The following DDR2 variants were observed in gnomAD, a reference collection of about 807,000 sequenced individuals.
The protein encoded by DDR2 is discoidin domain-containing receptor 2.
DDR2 carries 27 observed loss-of-function variants against 94.9 expected under a neutral mutation model. The observed-to-expected ratio is 0.28, with a 90% CI of 0.21 to 0.39. DDR2 has a LOEUF of 0.39. Ranked by LOEUF, DDR2 falls within the 10% of genes least tolerant of loss-of-function variation. The pLI, the probability that DDR2 is intolerant of heterozygous loss-of-function variation, is 1.00. For synonymous variants in DDR2, 382 were observed against 377.2 expected (o/e 1.01, Z -0.15); for missense variants, 783 against 1,076.0 (o/e 0.73, Z 3.81).
At chr1:162,709,006 A>G (rs1161028477) in intron 2 of DDR2, among the ~76,000 whole-genome samples, 1 of 152,214 alleles carries the variant, frequency 6.6e-6, no homozygotes, top group Non-Finnish European at 1.5e-5. Context: ...GGTTCTAGAC[A>G]CTTCTTACAT....
In DDR2 at chr1:162,776,329, G is replaced by C. The variant is rs2102199808; in HGVS notation, c.2242G>C (p.Val748Leu). Residue 748 changes from valine (V) to leucine (L), a missense_variant, in exon 16 of 18, where the codon GTG (valine) becomes CTG (leucine). Val to Leu is a conservative substitution (Grantham distance 32). Around this residue, in one of 2 missense-constraint regions of DDR2, gnomAD observed 264 missense variants for 428.2 expected, o/e 0.62. Coordinates refer to ENST00000367921, the MANE Select transcript of DDR2 (RefSeq NM_006182.4). ...CTATTACCGGATCCAGGGCCGGGCA[G>C]TGCTCCCTATCCGCTGGATGTCTTG... ...GDYYRIQGRA[V>L]LPIRWMSWES... is the part of the protein sequence containing the mutation. 1.9e-6 allele frequency: 3 copies of C among 1,614,106 alleles called. No homozygotes were observed. Among genetic ancestry groups the C allele is most frequent in the Non-Finnish European group, 2.5e-6 (3 of 1,179,972 alleles).
At chr1:162,779,056 G>A (rs1178617277) in intron 17 of DDR2, among the ~76,000 whole-genome samples, 2 of 151,994 alleles carry the variant, frequency 1.3e-5, no homozygotes, top group African/African-American at 4.8e-5. Context: ...TTTTTCTTCT[G>A]GGTCAAAAAA....
At chr1:162,654,964 T>A (rs189863030) in intron 1 of DDR2, among the ~76,000 whole-genome samples, 2 of 152,186 alleles carry the variant, frequency 1.3e-5, no homozygotes, top group African/African-American at 2.4e-5. Context: ...TCAACAAAAT[T>A]ACTATTATTT....
At chr1:162,669,293 C>T (rs78327791) in intron 2 of DDR2, among the ~76,000 whole-genome samples, 5 of 152,258 alleles carry the variant, frequency 3.3e-5, no homozygotes, top group Admixed American at 2.0e-4. Flanking sequence ...CGGGGAAAAA[C>T]GTTGTTTGTA....
intron 2 of DDR2, among the ~76,000 whole-genome samples, chr1:162,674,620 C>G (rs187813191): frequency 6.6e-6 from 1 of 152,256 alleles, no homozygotes; most frequent in Admixed American, 6.5e-5. Flanking sequence ...TTTTGCTTTA[C>G]TGTTTCACCA....
chr1:162,675,704 A>G (rs1659092273), intron 2 of DDR2, among the ~76,000 whole-genome samples: 1 of 152,206 alleles, frequency 6.6e-6, no homozygotes, highest in South Asian at 2.1e-4. Flanking sequence ...TAGGATCAGT[A>G]ATGGGAAGTA....
At chr1:162,734,315 A>G (rs1662195216) in intron 3 of DDR2, among the ~76,000 whole-genome samples, 2 of 152,214 alleles carry the variant, frequency 1.3e-5, no homozygotes, top group East Asian at 1.9e-4. Context: ...TAAGCCTTGT[A>G]AAGTGATGAA....
intron 2 of DDR2, among the ~76,000 whole-genome samples, chr1:162,689,031 C>G (rs1413784880): frequency 6.6e-6 from 1 of 152,212 alleles, no homozygotes. Context: ...GGTTCTTTAA[C>G]TCAGGCTGGT....
At chr1:162,642,299 T>A (rs1230483625) in intron 1 of DDR2, among the ~76,000 whole-genome samples, 2 of 150,102 alleles carry the variant, frequency 1.3e-5, no homozygotes, top group Non-Finnish European at 3.0e-5. Context: ...TGAGGTGGAA[T>A]TTCGCTCTTG....
chr1:162,687,063 T>A lies in DDR2; in HGVS notation c.-28+31689T>A, dbSNP rs1441154438. Among the ~76,000 whole-genome samples the A allele has an allele frequency of 2.0e-5, 3 of 152,200 alleles. No homozygotes were observed. In the East Asian group the frequency reaches 5.8e-4, roughly 29 times the overall value. On this transcript the variant is annotated intron_variant, in intron 2 of 17. Transcript: ENST00000367921. ...CCTGACTGGGGAGAAAGTGGGAAGA[T>A]CCAGAGCAAGGAGAAGACAATGAGG...
rs1480631283 is a variant in DDR2 at position 162,786,466 on chromosome 1, A to C, written c.*6220A>C. ...AATATGTAAAATTTCTCTGTATTAG[A>C]AAAAGAAACGTGATACCAATTGTAT... is the stretch of plus-strand genomic sequence containing the variant. On this transcript the variant is annotated 3_prime_UTR_variant, in exon 18 of 18. Coordinates refer to ENST00000367921, the MANE Select transcript of DDR2 (RefSeq NM_006182.4). 6.6e-6 allele frequency: 1 copy of C among 152,272 alleles called. No individual in the cohort carries two copies. The highest frequency in any genetic ancestry group is 1.5e-5 in the Non-Finnish European group (1 of 68,042). 9.4% of individuals were successfully genotyped at this position (152,272 alleles called of 1,614,324 possible).
intron 3 of DDR2, among the ~76,000 whole-genome samples, chr1:162,725,528 G>A (rs1403788362): frequency 3.9e-5 from 6 of 152,122 alleles, no homozygotes; most frequent in South Asian, 4.1e-4. Context: ...ACAGGCATGC[G>A]CCACCACACC....
At chr1:162,746,505 C>T (rs1009055625) in intron 3 of DDR2, among the ~76,000 whole-genome samples, 5 of 152,206 alleles carry the variant, frequency 3.3e-5, no homozygotes, top group Admixed American at 3.3e-4. Flanking sequence ...CACAGCTCAA[C>T]CAGGCCTGCC....
At chr1:162,643,016 C>G (rs144784688) in intron 1 of DDR2, among the ~76,000 whole-genome samples, 1 of 152,086 alleles carries the variant, frequency 6.6e-6, no homozygotes, top group African/African-American at 2.4e-5. Flanking sequence ...CCTTCAAGGG[C>G]GGCTGAAAAG....
chr1:162,707,847 T>C (rs1287764568), intron 2 of DDR2, among the ~76,000 whole-genome samples: 1 of 152,246 alleles, frequency 6.6e-6, no homozygotes, highest in Non-Finnish European at 1.5e-5. Context: ...GTAAGTTCTT[T>C]ATATGCATTA....
At chr1:162,670,755 G>A (rs1196529330) in intron 2 of DDR2, among the ~76,000 whole-genome samples, 2 of 152,184 alleles carry the variant, frequency 1.3e-5, no homozygotes, top group Non-Finnish European at 2.9e-5. Context: ...AACCCCTAGT[G>A]CTTCTGTTGT....
chr1:162,684,534 GA>G (rs1178093807), intron 2 of DDR2, among the ~76,000 whole-genome samples: 1 of 152,112 alleles, frequency 6.6e-6, no homozygotes, highest in Non-Finnish European at 1.5e-5. Context: ...CATTCTTGCA[GA>G]ACTGTTTTTA....
At chr1:162,670,266 A>C (rs914763217) in intron 2 of DDR2, among the ~76,000 whole-genome samples, 1 of 152,090 alleles carries the variant, frequency 6.6e-6, no homozygotes, top group Non-Finnish European at 1.5e-5. Context: ...ATGCGCCACC[A>C]TGCCTGGCTA....
At chr1:162,754,426 C>T (rs1244101220) in intron 4 of DDR2, among the ~76,000 whole-genome samples, 198 bp from the exon 5 acceptor site, 1 of 152,180 alleles carries the variant, frequency 6.6e-6, no homozygotes, top group Non-Finnish European at 1.5e-5. Flanking sequence ...CTTTCAGGGT[C>T]TCATGGTACT....
Sources: gnomAD v4.1 joint callset for allele counts (sites outside exome capture counted in the v4.1 genomes callset) on GRCh38, gnomAD v4.1.1 for gene constraint, gnomAD v4.1.1 regional missense constraint, MANE v1.5 for transcripts, NCBI Gene and HGNC (gene_info 2026-07-23, HGNC 2026-07-21) for gene names.